MRPS27: variants seen among roughly 807,000 people sequenced by gnomAD.
MRPS27 encodes mitochondrial ribosomal protein S27.
Under a neutral mutation model 48.9 loss-of-function variants are expected in MRPS27, and 43 were observed. That is an observed-to-expected ratio of 0.88 (90% CI 0.69 to 1.13). MRPS27 has a LOEUF of 1.13. Ranked by LOEUF, MRPS27 falls within the 50% of genes most tolerant of loss-of-function variation. The pLI, the probability that MRPS27 is intolerant of heterozygous loss-of-function variation, is 0.00. For missense variants in MRPS27, 467 were observed against 476.3 expected (o/e 0.98, Z 0.18); for synonymous variants, 188 against 171.9 (o/e 1.09, Z -0.73).
chr5:72,256,809 C>CG (rs1748821253), intron 4 of MRPS27, among the ~76,000 whole-genome samples: 1 of 152,230 alleles, frequency 6.6e-6, no homozygotes, highest in African/African-American at 2.4e-5. Context: ...GTTATGCTAT[C>CG]AGATCTCCAG....
At chr5:72,254,896 C>T (rs1184718847) in intron 4 of MRPS27, among the ~76,000 whole-genome samples, 1 of 152,084 alleles carries the variant, frequency 6.6e-6, no homozygotes, top group Admixed American at 6.6e-5. Context: ...TTTCTGGTTA[C>T]CACTGTTCTT....
chr5:72,233,460 T>A (rs1748114177), intron 6 of MRPS27, among the ~76,000 whole-genome samples: 1 of 152,270 alleles, frequency 6.6e-6, no homozygotes, highest in African/African-American at 2.4e-5. Flanking sequence ...ACAACAAATG[T>A]TTTTTACTTA....
Position 72,315,589 on chromosome 5 carries a change from T to C in MRPS27, c.74-1431A>G, listed in dbSNP as rs189133520. Among the ~76,000 whole-genome samples, 184 of 149,970 alleles carry C rather than the reference T, an allele frequency of 1.2e-3. 5 individuals carry two copies. The highest frequency in any genetic ancestry group is 0.012 in the Admixed American group (184 of 15,094). On this transcript the variant is annotated intron_variant, in intron 1 of 10. Coordinates refer to ENST00000261413, the MANE Select transcript of MRPS27 (RefSeq NM_015084.3). Reference sequence around the variant, plus strand: ...AAAAAAAAAGAAAAAGTAAAATATATATGTATACACACACAAATAGCTAAT... The same window carrying C: ...AAAAAAAAAGAAAAAGTAAAATATACATGTATACACACACAAATAGCTAAT...
chr5:72,281,436 A>C lies in MRPS27; in HGVS notation c.281+14095T>G, dbSNP rs1383322393. 2.0e-5 allele frequency among the ~76,000 whole-genome samples: 3 copies of C among 152,232 alleles called. No homozygotes were observed. In the East Asian group the frequency reaches 5.8e-4, roughly 29 times the overall value. ...TATACTGTGTCTCAGGTAAAGAGAA[A>C]GAAAGAAATATTTTTGACAGAAGAC... is the stretch of plus-strand genomic sequence containing the variant. On this transcript the variant is annotated intron_variant, in intron 4 of 10. Coordinates refer to ENST00000261413, the MANE Select transcript of MRPS27 (RefSeq NM_015084.3).
At chr5:72,288,826 G>C (rs146591360) in intron 4 of MRPS27, 2 of 152,206 alleles carry the variant, frequency 1.3e-5, no homozygotes, top group East Asian at 1.9e-4. Flanking sequence ...TTTTATTGCT[G>C]TGAAACACAA....
intron 8 of MRPS27, among the ~76,000 whole-genome samples, chr5:72,226,711 C>T (rs749347819): frequency 2.0e-4 from 31 of 151,292 alleles, no homozygotes; most frequent in Non-Finnish European, 3.5e-4. Context: ...AAAAAAAAAA[C>T]CCCTCATCTT....
chr5:72,314,368 AG>A, intron 1 of MRPS27: 1 of 403,350 alleles, frequency 2.5e-6, no homozygotes, highest in Non-Finnish European at 4.5e-6. Context: ...GCAGAAAAAC[AG>A]GATTTTCACA....
At chr5:72,302,852 C>A (rs1032151349) in intron 2 of MRPS27, among the ~76,000 whole-genome samples, 4 of 152,200 alleles carry the variant, frequency 2.6e-5, no homozygotes, top group African/African-American at 9.6e-5. Context: ...GGGAACTACA[C>A]CTGAAGTGAA....
At chr5:72,280,611 T>C (rs957650344) in intron 4 of MRPS27, among the ~76,000 whole-genome samples, 11 of 152,226 alleles carry the variant, frequency 7.2e-5, no homozygotes, top group African/African-American at 2.7e-4. Flanking sequence ...CTGACAACAT[T>C]AAACAACTTT....
intron 8 of MRPS27, 21 bp from the exon 9 acceptor site, chr5:72,226,220 A>G: frequency 1.2e-6 from 2 of 1,612,856 alleles, no homozygotes; most frequent in Non-Finnish European, 8.5e-7. Flanking sequence ...AAAGAACAAT[A>G]AAGAATGCTC....
At chr5:72,290,142 C>T (rs1029633322) in intron 4 of MRPS27, among the ~76,000 whole-genome samples, 1 of 152,082 alleles carries the variant, frequency 6.6e-6, no homozygotes, top group African/African-American at 2.4e-5. Context: ...ACATAGAGCC[C>T]GCCCCAAGGT....
At chr5:72,304,190 T>A (rs1256169351) in intron 2 of MRPS27, among the ~76,000 whole-genome samples, 1 of 150,554 alleles carries the variant, frequency 6.6e-6, no homozygotes, top group Non-Finnish European at 1.5e-5. Flanking sequence ...AGGGCAACAA[T>A]CTCTAAAAAA....
chr5:72,281,888 G>A (rs1749543891), intron 4 of MRPS27, among the ~76,000 whole-genome samples: 1 of 152,154 alleles, frequency 6.6e-6, no homozygotes, highest in Admixed American at 6.5e-5. Context: ...CCTCTTGGTA[G>A]TGTCCATCAC....
At position 72,262,333 on chromosome 5, in the gene MRPS27, T is replaced by C. The variant is rs140894074; in HGVS notation, c.282-24205A>G. 6.7e-3 allele frequency among the ~76,000 whole-genome samples: 1,013 copies of C among 152,284 alleles called. 9 individuals carry two copies. Among genetic ancestry groups the C allele is most frequent in the African/African-American group, 0.021 (870 of 41,556 alleles). On this transcript the variant is annotated intron_variant, in intron 4 of 10. Coordinates refer to ENST00000261413, the MANE Select transcript of MRPS27 (RefSeq NM_015084.3). ...CGAAAGGTGCTGCTGCTGCTGCTGC[T>C]ATTATTTCTATGCTGAGGTTTTTTG...
intron 4 of MRPS27, among the ~76,000 whole-genome samples, chr5:72,260,891 T>G (rs1748946948): frequency 6.6e-6 from 1 of 152,212 alleles, no homozygotes; most frequent in Non-Finnish European, 1.5e-5. Context: ...TTTGAGACAG[T>G]CTTGCTCTTT....
At chr5:72,298,623 G>A (rs1033477749) in intron 2 of MRPS27, among the ~76,000 whole-genome samples, 2 of 150,374 alleles carry the variant, frequency 1.3e-5, no homozygotes, top group East Asian at 2.0e-4. Context: ...GGAGAATGGC[G>A]TGAACCCGGG....
At chr5:72,240,709 C>T (rs903519790) in intron 4 of MRPS27, among the ~76,000 whole-genome samples, 1 of 152,152 alleles carries the variant, frequency 6.6e-6, no homozygotes, top group Non-Finnish European at 1.5e-5. Context: ...ACCTTCAAAG[C>T]TCAAATTAAA....
At chr5:72,301,002 G>A (rs1580112387) in intron 2 of MRPS27, among the ~76,000 whole-genome samples, 2 of 152,156 alleles carry the variant, frequency 1.3e-5, no homozygotes, top group Admixed American at 6.5e-5. Flanking sequence ...AGAAAAGGAA[G>A]AAAGAAAAAA....
At chr5:72,249,545 C>T (rs754112064) in intron 4 of MRPS27, among the ~76,000 whole-genome samples, 63 of 151,310 alleles carry the variant, frequency 4.2e-4, no homozygotes, top group Admixed American at 1.6e-3. Context: ...ATTAGCCTGG[C>T]GCAGCAGCAC....
Sources: gnomAD v4.1 joint callset for allele counts (sites outside exome capture counted in the v4.1 genomes callset) on GRCh38, gnomAD v4.1.1 for gene constraint, MANE v1.5 for transcripts, NCBI Gene and HGNC (gene_info 2026-07-23, HGNC 2026-07-21) for gene names.